COPS2: variants seen among roughly 807,000 people sequenced by gnomAD.
The protein encoded by COPS2 is COP9 signalosome complex subunit 2.
In COPS2, 10 loss-of-function variants were observed where a neutral mutation model predicts 66.1. The ratio of observed to expected loss-of-function variants is 0.15; its 90% confidence interval spans 0.09 to 0.26. The LOEUF (loss-of-function observed/expected upper bound fraction) is 0.26, where lower values mean the gene tolerates loss of function less well. Ranked by LOEUF, COPS2 falls within the 10% of genes least tolerant of loss-of-function variation. COPS2 has a pLI of 1.00. For synonymous variants in COPS2, 179 were observed against 171.3 expected (o/e 1.04, Z -0.35); for missense variants, 215 against 513.3 (o/e 0.42, Z 5.62).
chr15:49,130,940 T>C (rs2084203532), intron 9 of COPS2, 124 bp from the exon 10 acceptor site: 1 of 468,890 alleles, frequency 2.1e-6, no homozygotes, highest in South Asian at 4.4e-5. Context: ...ATACTTTCTG[T>C]CATGGAAATC....
At chr15:49,143,128 A>G (rs946634159) in intron 3 of COPS2, among the ~76,000 whole-genome samples, 1 of 152,210 alleles carries the variant, frequency 6.6e-6, no homozygotes, top group African/African-American at 2.4e-5. Flanking sequence ...TTATCAGAGA[A>G]GAGCTTCTGA....
chr15:49,140,636 A>G (rs2084284167), intron 3 of COPS2, among the ~76,000 whole-genome samples: 1 of 152,176 alleles, frequency 6.6e-6, no homozygotes, highest in Non-Finnish European at 1.5e-5. Context: ...GGAGAGGTTT[A>G]CCATTCCTAA....
At chr15:49,141,873 T>C (rs2084291811) in intron 3 of COPS2, among the ~76,000 whole-genome samples, 1 of 152,130 alleles carries the variant, frequency 6.6e-6, no homozygotes, top group Non-Finnish European at 1.5e-5. Context: ...CAAAACCAAG[T>C]CTTAAGGGTA....
chr15:49,149,137 A>G (rs894564508), intron 1 of COPS2, among the ~76,000 whole-genome samples: 2 of 152,212 alleles, frequency 1.3e-5, no homozygotes, highest in Admixed American at 6.5e-5. Flanking sequence ...TTAAAAATAA[A>G]AAAACCCCCT....
At chr15:49,128,650 T>C in intron 12 of COPS2, 52 bp downstream of exon 12, 1 of 1,311,340 alleles carries the variant, frequency 7.6e-7, no homozygotes, top group South Asian at 1.3e-5. Context: ...TCACTATTAT[T>C]CAAAACTTAC....
chr15:49,147,920 C>T (rs967195850), intron 1 of COPS2, among the ~76,000 whole-genome samples: 33 of 152,110 alleles, frequency 2.2e-4, no homozygotes, highest in African/African-American at 7.7e-4. Flanking sequence ...TGAGAATCGG[C>T]ACAACTGATG....
At chr15:49,133,235 G>A (rs770121177) in intron 9 of COPS2, among the ~76,000 whole-genome samples, 2 of 152,082 alleles carry the variant, frequency 1.3e-5, no homozygotes, top group Admixed American at 1.3e-4. Flanking sequence ...TGATCCACCC[G>A]CCTTGGCCTC....
At chr15:49,138,331 CTATT>C in intron 4 of COPS2, among the ~76,000 whole-genome samples, 1 of 81,018 alleles carries the variant, frequency 1.2e-5, no homozygotes, top group East Asian at 6.0e-4. Flanking sequence ...AAAACACTCT[CTATT>C]TATGCATGAC....
Position 49,138,836 on chromosome 15 carries a change from G to A in COPS2, c.372+692C>T, listed in dbSNP as rs986986824. ...CTAAATGACATAGAGACTATATCTT[G>A]TACTCAAGTATCACAGAGTAAGAGG... is the stretch of plus-strand genomic sequence containing the variant. On this transcript the variant is annotated intron_variant, in intron 4 of 12. Coordinates refer to ENST00000388901, the MANE Select transcript of COPS2 (RefSeq NM_004236.4). Among the ~76,000 whole-genome samples the A allele has an allele frequency of 4.6e-5, 7 of 152,088 alleles. No individual in the cohort carries two copies. The Middle Eastern group carries it at 0.013, about 275-fold the overall frequency.
At chr15:49,154,135 C>T (rs193195984) in intron 1 of COPS2, among the ~76,000 whole-genome samples, 1 of 151,892 alleles carries the variant, frequency 6.6e-6, no homozygotes. Context: ...ACGAAACCCC[C>T]CATAAATATG....
intron 1 of COPS2, among the ~76,000 whole-genome samples, chr15:49,152,741 C>G (rs1234644014): frequency 2.0e-5 from 3 of 151,764 alleles, no homozygotes; most frequent in Non-Finnish European, 2.9e-5. Context: ...GAGAATCGCT[C>G]GAACCTGGGA....
chr15:49,139,768 T>A (rs988688066), intron 3 of COPS2, 115 bp from the exon 4 acceptor site: 6 of 730,252 alleles, frequency 8.2e-6, no homozygotes, highest in Non-Finnish European at 1.3e-5. Flanking sequence ...ATATAGTTCC[T>A]GATATAGTTT....
chr15:49,155,468 C>G, intron 1 of COPS2, 57 bp downstream of exon 1: 1 of 1,576,586 alleles, frequency 6.3e-7, no homozygotes, highest in Non-Finnish European at 8.7e-7. Context: ...CGCCCCGGCC[C>G]GGACCCCGAA....
At chr15:49,141,844 T>G (rs1005985502) in intron 3 of COPS2, among the ~76,000 whole-genome samples, 3 of 152,196 alleles carry the variant, frequency 2.0e-5, no homozygotes, top group African/African-American at 7.2e-5. Context: ...TCCTTCCCAC[T>G]CTGCTCAAGG....
Position 49,153,576 on chromosome 15 carries a change from G to C in COPS2, c.54+1949C>G, listed in dbSNP as rs2084377318. 2.0e-5 allele frequency among the ~76,000 whole-genome samples: 3 copies of C among 152,154 alleles called. No individual in the cohort carries two copies. The South Asian group carries it at 6.2e-4, about 32-fold the overall frequency. ...AAGGAAAGAAAATCGGTCTATTAAAGGAATACCTGCACTCCATGTTCATTG... is the reference window on the plus strand; with the variant it reads ...AAGGAAAGAAAATCGGTCTATTAAACGAATACCTGCACTCCATGTTCATTG... On this transcript the variant is annotated intron_variant, in intron 1 of 12. Coordinates refer to ENST00000388901, the MANE Select transcript of COPS2 (RefSeq NM_004236.4).
intron 1 of COPS2, among the ~76,000 whole-genome samples, chr15:49,153,086 G>T (rs1438557127): frequency 6.6e-6 from 1 of 152,144 alleles, no homozygotes; most frequent in Non-Finnish European, 1.5e-5. Context: ...GAGGTAAGCA[G>T]AAACACTTAC....
In COPS2 at chr15:49,130,821, T is replaced by C. The variant is rs770099779; in HGVS notation, c.948-5A>G. 6.8e-6 allele frequency: 10 copies of C among 1,473,214 alleles called. No individual in the cohort carries two copies. In the South Asian group the frequency reaches 1.0e-4, roughly 15 times the overall value. The allele number at this position is 1,473,214 out of a possible 1,614,324, so 91.3% of individuals were successfully genotyped here. ...ATGTCATTATTCTGATAGGCACTAA[T>C]AGAAAAACAAAGTGTAAATTATGTC... On this transcript the variant is annotated splice_polypyrimidine_tract_variant and splice_region_variant and intron_variant, in intron 9 of 12. Coordinates refer to ENST00000388901, the MANE Select transcript of COPS2 (RefSeq NM_004236.4).
chr15:49,148,615 A>G (rs1343750065), intron 1 of COPS2, among the ~76,000 whole-genome samples: 1 of 152,238 alleles, frequency 6.6e-6, no homozygotes, highest in East Asian at 1.9e-4. Context: ...ATGAGATCCA[A>G]TAAAGAGCCT....
intron 11 of COPS2, 82 bp downstream of exon 11, chr15:49,129,395 A>T (rs2084193292): frequency 2.1e-6 from 1 of 475,510 alleles, no homozygotes; most frequent in Non-Finnish European, 3.6e-6. Flanking sequence ...ACCAAGTTAG[A>T]GTGACTCTTA....
Sources: allele counts gnomAD v4.1 joint callset (sites outside exome capture counted in the v4.1 genomes callset), GRCh38; gene constraint gnomAD v4.1.1; transcripts MANE v1.5; gene names NCBI Gene and HGNC (gene_info 2026-07-23, HGNC 2026-07-21).